CREM: variants seen among roughly 807,000 people sequenced by gnomAD.
CREM encodes the protein cAMP-responsive element modulator.
CREM carries 13 observed loss-of-function variants against 37.3 expected under a neutral mutation model. That is an observed-to-expected ratio of 0.35 (90% CI 0.23 to 0.55). CREM has a LOEUF of 0.55. Among genes scored for constraint, CREM ranks in the 20% least tolerant of loss-of-function variants. The pLI is 0.88. For missense variants in CREM, 296 were observed against 362.3 expected (o/e 0.82, Z 1.49); for synonymous variants, 124 against 120.2 (o/e 1.03, Z -0.21).
At position 35,211,721 on chromosome 10, in the gene CREM, C is replaced by A; in HGVS notation, c.*323C>A. On this transcript the variant is annotated 3_prime_UTR_variant, in exon 8 of 8. Coordinates refer to ENST00000685392, the MANE Select transcript of CREM (RefSeq NM_183011.2). ...GTAAAATGTCTGGAGAGCCGAGTTG[C>A]AGTGCTGGAAGTCCAGAACAAGAAG... 6.2e-7 allele frequency: 1 copy of A among 1,614,042 alleles called. No homozygotes were observed. The highest frequency in any genetic ancestry group is 1.3e-5 in the African/African-American group (1 of 75,022).
intron 6 of CREM, chr10:35,195,906 A>C (rs573051363): frequency 1.9e-4 from 129 of 662,948 alleles, no homozygotes; most frequent in Admixed American, 9.4e-4. Context: ...CGCTTTGTAA[A>C]ATGCTGCTGA....
chr10:35,198,084 G>A (rs2134122276), intron 6 of CREM, among the ~76,000 whole-genome samples: 1 of 152,132 alleles, frequency 6.6e-6, no homozygotes. Context: ...CTTGACCCAT[G>A]AAATTTGCTT....
At chr10:35,155,626 C>CTTTTTT (rs1469024435) in intron 3 of CREM, among the ~76,000 whole-genome samples, 4 of 41,818 alleles carry the variant, frequency 9.6e-5, no homozygotes, top group African/African-American at 1.9e-4. Flanking sequence ...CTTTTCTTTT[C>CTTTTTT]TTTTCTTTTT....
At chr10:35,140,590 C>T (rs2091284118) in intron 2 of CREM, among the ~76,000 whole-genome samples, 1 of 152,106 alleles carries the variant, frequency 6.6e-6, no homozygotes, top group Non-Finnish European at 1.5e-5. Flanking sequence ...AGATGGGATC[C>T]CTGTCCCTGA....
At chr10:35,157,910 C>A (rs78203481) in intron 3 of CREM, among the ~76,000 whole-genome samples, 22,928 of 151,932 alleles carry the variant, frequency 0.15, 1,954 homozygotes, top group East Asian at 0.24. Context: ...GATATGAAAT[C>A]AACTTATAAA....
rs754068253 is a variant in CREM, at chr10:35,206,876, A to C, written c.599-19A>C. The C allele has an allele frequency of 1.9e-6, 3 of 1,612,408 alleles. No homozygotes were observed. The highest frequency in any genetic ancestry group is 2.5e-6 in the Non-Finnish European group (3 of 1,179,482). The stretch of plus-strand genomic sequence containing the variant: ...TATGAATTCTTTATATAAGCTCAAA[A>C]TATTTTGTTTTACTGCAGCTGCCAC... On this transcript the variant is annotated intron_variant, in intron 6 of 7. Transcript: ENST00000685392.
intron 2 of CREM, among the ~76,000 whole-genome samples, chr10:35,145,876 G>A (rs114724970): frequency 0.027 from 4,097 of 151,516 alleles, 181 homozygotes; most frequent in African/African-American, 0.09. Context: ...AGTACATATT[G>A]GAATTGTTTG....
At chr10:35,172,365 G>C (rs1453796231) in intron 3 of CREM, among the ~76,000 whole-genome samples, 2 of 152,128 alleles carry the variant, frequency 1.3e-5, no homozygotes, top group Admixed American at 1.3e-4. Flanking sequence ...GGGTGACTCT[G>C]AGACATTTTC....
At chr10:35,167,103 T>C (rs1311744567) in intron 3 of CREM, among the ~76,000 whole-genome samples, 5 of 152,130 alleles carry the variant, frequency 3.3e-5, no homozygotes, top group Non-Finnish European at 7.4e-5. Context: ...ATCGCACCAC[T>C]GCACTCCATC....
intron 3 of CREM, among the ~76,000 whole-genome samples, chr10:35,163,438 C>T (rs1294020910): frequency 6.6e-6 from 1 of 152,108 alleles, no homozygotes; most frequent in East Asian, 1.9e-4. Flanking sequence ...AATCCCAACA[C>T]TTTGGGAGGC....
intron 3 of CREM, chr10:35,175,667 A>G (rs898171926): frequency 6.2e-7 from 1 of 1,613,936 alleles, no homozygotes; most frequent in African/African-American, 1.3e-5. Flanking sequence ...ATGTCACATC[A>G]GAAAATGACT....
At chr10:35,187,014 A>G (rs2094604687) in intron 5 of CREM, among the ~76,000 whole-genome samples, 1 of 75,178 alleles carries the variant, frequency 1.3e-5, no homozygotes, top group African/African-American at 5.6e-5. Context: ...ATAATATAAT[A>G]TATAATATAT....
chr10:35,163,297 T>C (rs1295468344), intron 3 of CREM, among the ~76,000 whole-genome samples: 7 of 152,186 alleles, frequency 4.6e-5, no homozygotes, highest in Non-Finnish European at 8.8e-5. Context: ...TAATATACCA[T>C]GGTAGGTATT....
chr10:35,150,217 C>G (rs1003205054), intron 3 of CREM, among the ~76,000 whole-genome samples: 1 of 151,844 alleles, frequency 6.6e-6, no homozygotes, highest in Non-Finnish European at 1.5e-5. Flanking sequence ...TTGGTAGAGA[C>G]AAGTTCTCAC....
At position 35,201,561 on chromosome 10, in the gene CREM, C is replaced by G. The variant is rs1012132689; in HGVS notation, c.599-5334C>G. 3.9e-6 allele frequency: 6 copies of G among 1,538,252 alleles called. No individual in the cohort carries two copies. The African/African-American group carries it at 8.3e-5, about 21-fold the overall frequency. ...TCTGCTGTACCGTGTTTAAAGCTTG[C>G]AAAGAGAGATATGTAGTTAATGACC... On this transcript the variant is annotated intron_variant, in intron 6 of 7. Transcript: ENST00000685392.
chr10:35,203,066 T>C (rs1390415515), intron 6 of CREM, among the ~76,000 whole-genome samples: 2 of 152,058 alleles, frequency 1.3e-5, no homozygotes, highest in African/African-American at 2.4e-5. Flanking sequence ...TCCTTTTTTT[T>C]TTTCCTGAGA....
intron 5 of CREM, among the ~76,000 whole-genome samples, chr10:35,183,784 T>C (rs920475810): frequency 1.3e-5 from 2 of 152,156 alleles, no homozygotes; most frequent in Non-Finnish European, 1.5e-5. Context: ...ATTAGAAGTA[T>C]ATAACATGGG....
rs2095163610 is a variant in CREM at position 35,196,252 on chromosome 10, A to G, written c.598+7864A>G. On this transcript the variant is annotated intron_variant, in intron 6 of 7. Transcript: ENST00000685392. The stretch of plus-strand genomic sequence containing the variant: ...TTCAGAGCTCCTCTAGTGTTCAGTC[A>G]GGGAAGTGCTTGTCTTTTACTTGTT... 4 of 601,874 alleles carry G rather than the reference A, an allele frequency of 6.6e-6. No homozygotes were observed. In the East Asian group the frequency reaches 1.2e-4, roughly 19 times the overall value. The allele number at this position is 601,874 out of a possible 1,614,324, so 37.3% of individuals were successfully genotyped here.
intron 6 of CREM, 45 bp from the exon 7 acceptor site, chr10:35,206,850 T>G (rs376721467): frequency 3.1e-6 from 5 of 1,598,114 alleles, no homozygotes; most frequent in Non-Finnish European, 4.3e-6. Flanking sequence ...AAATGCCAAA[T>G]TATGAATTCT....
Sources: gnomAD v4.1 joint callset for allele counts (sites outside exome capture counted in the v4.1 genomes callset) on GRCh38, gnomAD v4.1.1 for gene constraint, MANE v1.5 for transcripts, NCBI Gene and HGNC (gene_info 2026-07-23, HGNC 2026-07-21) for gene names.